The following DDHD2 variants were observed in gnomAD, a reference collection of about 807,000 sequenced individuals.
The protein encoded by DDHD2 is triacylglycerol hydrolase DDHD2.
Under a neutral mutation model 91.2 loss-of-function variants are expected in DDHD2, and 62 were observed. The observed-to-expected ratio is 0.68, with a 90% CI of 0.55 to 0.84. DDHD2 has a LOEUF of 0.84. DDHD2 is among the 40% of genes least tolerant of loss of function. The probability of loss-of-function intolerance (pLI) is 0.00; values close to 1 mark genes in which losing one functional copy is unlikely to be tolerated. For synonymous variants in DDHD2, 271 were observed against 293.9 expected, an observed-to-expected ratio of 0.92 and a Z score of 0.80; for missense variants, 740 against 846.9, an observed-to-expected ratio of 0.87 and a Z score of 1.57.
downstream of DDHD2, chr8:38,264,590 A>T: frequency 6.3e-7 from 1 of 1,594,452 alleles, no homozygotes; most frequent in Non-Finnish European, 8.5e-7. Flanking sequence ...CCAATCATGG[A>T]TCCAACTAGT....
chr8:38,235,856 CAAA>C (rs997660131), intron 3 of DDHD2, among the ~76,000 whole-genome samples: 1 of 139,640 alleles, frequency 7.2e-6, no homozygotes, highest in African/African-American at 2.7e-5. Flanking sequence ...CCCACCACTA[CAAA>C]AAAAAGTACA....
In DDHD2 at chr8:38,267,918, G is replaced by C. The variant is rs759442346; in HGVS notation, n.88-3204G>C. On this transcript the variant is annotated intron_variant and non_coding_transcript_variant, in intron 1 of 1. Coordinates refer to the DDHD2 transcript ENST00000526071. ...TTACCTCCCTACGATCAGTTTTATT[G>C]TGTTGGTAAAGACGCCATTCAGAGC... 1.9e-6 allele frequency: 3 copies of C among 1,614,008 alleles called. No homozygotes were observed. In the Admixed American group the frequency reaches 5.0e-5, roughly 27 times the overall value.
At position 38,247,716 on chromosome 8, in the gene DDHD2, T is replaced by A. The variant is rs916017599; in HGVS notation, c.1129T>A (p.Ser377Thr). The A allele has an allele frequency of 6.7e-7, 1 of 1,491,450 alleles. No homozygotes were observed. The highest frequency in any genetic ancestry group is 1.3e-5 in the South Asian group (1 of 75,574). 92.4% of individuals were successfully genotyped at this position (1,491,450 alleles called of 1,614,324 possible). ...AGCTTTATAATTTAATTTTTAGGAT[T>A]CGCTAAATATTGTAATGGATCAAGG... Reference protein sequence around the residue: ...SLGDIDSEKDSLNIVMDQGDT... With the variant: ...SLGDIDSEKDTLNIVMDQGDT... Residue 377 changes from serine (S) to threonine (T), a missense_variant, in exon 10 of 18, where the codon TCG becomes ACG. Coordinates refer to ENST00000397166, the MANE Select transcript of DDHD2 (RefSeq NM_015214.3).
In DDHD2 at chr8:38,233,091, G is replaced by T. The variant is rs1416849076; in HGVS notation, c.97G>T (p.Ala33Ser). The change falls in exon 2 of 18, where the codon GCT becomes TCT. Residue 33 changes from alanine to serine, a missense_variant. Physicochemically the swap from Ala to Ser is moderately conservative, Grantham distance 99. This residue lies in a region of DDHD2 where 693 missense variants were observed against 764.2 expected (regional missense o/e 0.91). Transcript: ENST00000397166. ...CSSFELIDMD[A>S]GSLYEPVSPH... is the part of the protein sequence containing the mutation. ...TTCCTTTGAGCTAATAGACATGGAT[G>T]CTGGCAGCTTGTATGAACCAGTTTC... The T allele has an allele frequency of 6.2e-7, 1 of 1,614,164 alleles. No homozygotes were observed. The highest frequency in any genetic ancestry group is 1.1e-5 in the South Asian group (1 of 91,086).
At chr8:38,250,634 T>C (rs1009238350) in intron 11 of DDHD2, 1 of 152,170 alleles carries the variant, frequency 6.6e-6, no homozygotes, top group African/African-American at 2.4e-5. Flanking sequence ...TATTTATTTA[T>C]TTTTTGCTTT....
intron 1 of DDHD2, chr8:38,268,245 G>A: frequency 9.2e-7 from 1 of 1,082,220 alleles, no homozygotes; most frequent in Non-Finnish European, 1.3e-6. Context: ...CCTCTCCCGC[G>A]GGGATAGAGT....
chr8:38,252,383 T>C, intron 13 of DDHD2, 96 bp downstream of exon 13: 2 of 1,387,220 alleles, frequency 1.4e-6, no homozygotes, highest in East Asian at 2.3e-5. Flanking sequence ...TTTTTCCTAT[T>C]CCATTGTCTA....
chr8:38,268,523 G>C, intron 1 of DDHD2: 1 of 1,540,318 alleles, frequency 6.5e-7, no homozygotes, highest in East Asian at 2.4e-5. Flanking sequence ...TGCTCCTACA[G>C]GAAAGAGGGA....
intron 5 of DDHD2, chr8:38,238,761 T>G: frequency 2.5e-6 from 2 of 807,534 alleles, no homozygotes; most frequent in Non-Finnish European, 3.0e-6. Flanking sequence ...AATGAAATAC[T>G]AGATAAAAGT....
At chr8:38,260,350 C>G (rs1355501707) in intron 17 of DDHD2, 2 of 389,288 alleles carry the variant, frequency 5.1e-6, no homozygotes, top group African/African-American at 4.0e-5. Flanking sequence ...TAGTGTATGT[C>G]TGTTTTGCTA....
intron 5 of DDHD2, chr8:38,238,564 A>G: frequency 9.6e-7 from 1 of 1,040,608 alleles, no homozygotes; most frequent in Non-Finnish European, 1.2e-6. Context: ...ACTAAGGAAA[A>G]CTGTTTTTCA....
intron 9 of DDHD2, among the ~76,000 whole-genome samples, chr8:38,246,648 C>T (rs1805656832): frequency 6.6e-6 from 1 of 152,178 alleles, no homozygotes; most frequent in Admixed American, 6.5e-5. Context: ...TCAAGACCAG[C>T]TTGGCCAACA....
chr8:38,265,097 C>G, downstream of DDHD2: 1 of 631,540 alleles, frequency 1.6e-6, no homozygotes, highest in South Asian at 1.9e-5. Context: ...GAAACCCTGT[C>G]TCTACTAAAA....
chr8:38,236,656 C>T (rs996515076), intron 3 of DDHD2, among the ~76,000 whole-genome samples: 25 of 152,146 alleles, frequency 1.6e-4, no homozygotes, highest in Non-Finnish European at 2.9e-4. Context: ...GCTGGGATTA[C>T]AGGCATGTGC....
At chr8:38,241,115 G>A (rs1391162574) in intron 6 of DDHD2, among the ~76,000 whole-genome samples, 7 of 150,082 alleles carry the variant, frequency 4.7e-5, no homozygotes, top group Admixed American at 4.7e-4. Flanking sequence ...AGTATTCAAA[G>A]TTTAATTGTT....
At position 38,261,897 on chromosome 8, in the gene DDHD2, G is replaced by T. The variant is rs1807059215; in HGVS notation, c.*1324G>T. On this transcript the variant is annotated 3_prime_UTR_variant, in exon 18 of 18. Coordinates refer to ENST00000397166, the MANE Select transcript of DDHD2 (RefSeq NM_015214.3). ...AGGCCTCTGTTTATAGAGTGGCAAA[G>T]GCAGGCGAGCTGTGGTTTATTGTTT... The T allele has an allele frequency of 6.6e-6, 1 of 152,152 alleles. No individual in the cohort carries two copies. The highest frequency in any genetic ancestry group is 2.1e-4 in the South Asian group (1 of 4,824). The allele number at this position is 152,152 out of a possible 1,614,324, so 9.4% of individuals were successfully genotyped here.
chr8:38,252,246 A>G lies in DDHD2; in HGVS notation c.1576A>G (p.Arg526Gly), dbSNP rs1318016430. Residue 526 changes from arginine to glycine, a missense_variant, in exon 13 of 18, where the codon AGA becomes GGA. Coordinates refer to ENST00000397166, the MANE Select transcript of DDHD2 (RefSeq NM_015214.3). Reference protein sequence around the residue: ...RGLKRIDPNYRFPTCKGFFNI... With the variant: ...RGLKRIDPNYGFPTCKGFFNI... Reference sequence around the variant, plus strand: ...ACTAAAAAGAATTGATCCCAACTACAGATTTCCAACGTGCAAAGGTTTCTT... The same window carrying G: ...ACTAAAAAGAATTGATCCCAACTACGGATTTCCAACGTGCAAAGGTTTCTT... 1 of 1,614,088 alleles carries G rather than the reference A, an allele frequency of 6.2e-7. No homozygotes were observed. Among genetic ancestry groups the G allele is most frequent in the South Asian group, 1.1e-5 (1 of 91,040 alleles).
chr8:38,267,119 T>C (rs888558408), downstream of DDHD2: 1 of 1,515,602 alleles, frequency 6.6e-7, no homozygotes, highest in Non-Finnish European at 8.8e-7. Flanking sequence ...AGGCTCAGAC[T>C]TGTTAAACTG....
chr8:38,268,167 C>T lies in DDHD2; in HGVS notation n.88-2955C>T, dbSNP rs1040515376. Reference sequence around the variant, plus strand: ...AAGACATTTCTGAGGTACAAATAACCCAGTGCATTTAGGCACAGGGCTGCC... The same window carrying T: ...AAGACATTTCTGAGGTACAAATAACTCAGTGCATTTAGGCACAGGGCTGCC... On this transcript the variant is annotated intron_variant and non_coding_transcript_variant, in intron 1 of 1. Coordinates refer to the DDHD2 transcript ENST00000526071. 3 of 1,288,992 alleles carry T rather than the reference C, an allele frequency of 2.3e-6. No homozygotes were observed. In the African/African-American group the frequency reaches 4.5e-5, roughly 19 times the overall value. The allele number at this position is 1,288,992 out of a possible 1,614,324, so 79.8% of individuals were successfully genotyped here.
Sources: allele counts gnomAD v4.1 joint callset (sites outside exome capture counted in the v4.1 genomes callset), GRCh38; gene constraint gnomAD v4.1.1; regional missense constraint gnomAD v4.1.1; transcripts MANE v1.5; gene names NCBI Gene and HGNC (gene_info 2026-07-23, HGNC 2026-07-21).